Variants in LRMDA observed in about 807,000 individuals in gnomAD.
The protein encoded by LRMDA is leucine rich melanocyte differentiation associated.
LRMDA carries 18 observed loss-of-function variants against 29.8 expected under a neutral mutation model. The observed-to-expected ratio is 0.60, with a 90% confidence interval of 0.42 to 0.90. The LOEUF is 0.90. Ranked by LOEUF, LRMDA falls within the 40% of genes least tolerant of loss-of-function variation. The probability of loss-of-function intolerance (pLI) is 0.00; values close to 1 mark genes in which losing one functional copy is unlikely to be tolerated. For missense variants in LRMDA, 273 were observed against 273.9 expected (o/e 1.00, Z 0.02); for synonymous variants, 125 against 109.4 (o/e 1.14, Z -0.89).
chr10:76,396,479 T>C (rs1226058560), intron 6 of LRMDA: 1 of 152,246 alleles, frequency 6.6e-6, no homozygotes, highest in Non-Finnish European at 1.5e-5. Flanking sequence ...CCCTTTCCAC[T>C]GTTTCTTTTC....
At chr10:76,216,813 G>A (rs1851737027) in intron 5 of LRMDA, among the ~76,000 whole-genome samples, 1 of 152,146 alleles carries the variant, frequency 6.6e-6, no homozygotes, top group South Asian at 2.1e-4. Flanking sequence ...GTAAATGTTC[G>A]ATAGGACGCA....
chr10:76,107,832 G>T (rs546301112), intron 5 of LRMDA, among the ~76,000 whole-genome samples: 1 of 152,066 alleles, frequency 6.6e-6, no homozygotes, highest in Non-Finnish European at 1.5e-5. Flanking sequence ...AGGTGTAAAC[G>T]TGCCATGGTG....
chr10:75,722,203 T>C lies in LRMDA; in HGVS notation c.131+283709T>C, dbSNP rs186445174. On this transcript the variant is annotated intron_variant, in intron 2 of 6. Coordinates refer to ENST00000611255, the MANE Select transcript of LRMDA (RefSeq NM_001305581.2). ...ATCCTAGGGCCTGCCAATATGTTAA[T>C]GGCCCTGGTGCATCGTTATTGCTAC... Among the ~76,000 whole-genome samples, 463 of 152,284 alleles carry C rather than the reference T, an allele frequency of 3.0e-3. 1 individual carries two copies. The highest frequency in any genetic ancestry group is 6.8e-3 in the Middle Eastern group (2 of 294).
At chr10:76,381,584 C>A (rs1841593172) in intron 6 of LRMDA, among the ~76,000 whole-genome samples, 1 of 152,190 alleles carries the variant, frequency 6.6e-6, no homozygotes, top group African/African-American at 2.4e-5. Context: ...CCTCTCCTCA[C>A]ATGGAAGTAG....
At chr10:76,138,029 T>C (rs922196801) in intron 5 of LRMDA, among the ~76,000 whole-genome samples, 7 of 152,192 alleles carry the variant, frequency 4.6e-5, no homozygotes, top group Admixed American at 4.6e-4. Context: ...AGTTGTGTAT[T>C]GCCCTTTTGC....
At chr10:75,466,150 T>G (rs1844647564) in intron 2 of LRMDA, among the ~76,000 whole-genome samples, 1 of 152,202 alleles carries the variant, frequency 6.6e-6, no homozygotes, top group South Asian at 2.1e-4. Flanking sequence ...TTGCCTGGCT[T>G]CCCAGGCGAG....
intron 2 of LRMDA, chr10:75,552,453 T>A (rs566796257): frequency 2.1e-5 from 7 of 329,430 alleles, no homozygotes; most frequent in Middle Eastern, 4.0e-4. Context: ...TTTCAGAATT[T>A]TCACTGTATC....
intron 6 of LRMDA, among the ~76,000 whole-genome samples, chr10:76,468,343 G>C (rs1842584359): frequency 1.3e-5 from 2 of 152,186 alleles, no homozygotes; most frequent in African/African-American, 4.8e-5. Flanking sequence ...ATTCGAGAGA[G>C]CAAGACTGTT....
At chr10:76,024,125 G>A (rs74147625) in intron 2 of LRMDA, among the ~76,000 whole-genome samples, 113 of 152,312 alleles carry the variant, frequency 7.4e-4, no homozygotes, top group African/African-American at 2.5e-3. Context: ...CTAGATTTGC[G>A]TTTGGCCTCA....
intron 5 of LRMDA, among the ~76,000 whole-genome samples, chr10:76,082,045 A>G (rs1849057892): frequency 6.6e-6 from 1 of 152,168 alleles, no homozygotes. Flanking sequence ...ACTCTCAAAC[A>G]ACACAGGTTT....
At chr10:76,515,474 G>A (rs1843050492) in intron 6 of LRMDA, among the ~76,000 whole-genome samples, 1 of 152,054 alleles carries the variant, frequency 6.6e-6, no homozygotes, top group African/African-American at 2.4e-5. Context: ...ATATTAGAAA[G>A]TATGGTAGAT....
intron 5 of LRMDA, among the ~76,000 whole-genome samples, chr10:76,265,316 G>C (rs543432442): frequency 1.3e-5 from 2 of 152,196 alleles, no homozygotes; most frequent in African/African-American, 4.8e-5. Context: ...TTTTATTATT[G>C]CTCTTCCACC....
chr10:76,540,167 C>T (rs55725812), intron 6 of LRMDA, among the ~76,000 whole-genome samples: 1 of 150,882 alleles, frequency 6.6e-6, no homozygotes, highest in Admixed American at 6.6e-5. Flanking sequence ...CACATGCACG[C>T]AAAACATGCA....
At chr10:76,200,957 T>C (rs1357058747) in intron 5 of LRMDA, among the ~76,000 whole-genome samples, 2 of 151,714 alleles carry the variant, frequency 1.3e-5, no homozygotes, top group African/African-American at 4.8e-5. Context: ...CCTCAGGTGA[T>C]CTGCCTGCCT....
intron 5 of LRMDA, among the ~76,000 whole-genome samples, chr10:76,235,954 C>T (rs540976881): frequency 1.3e-5 from 2 of 152,048 alleles, no homozygotes; most frequent in Admixed American, 6.5e-5. Context: ...GTAACCAGCT[C>T]GAAATATGCC....
At chr10:76,324,284 C>G (rs557772405) in intron 5 of LRMDA, 117 bp from the exon 6 acceptor site, 1 of 894,614 alleles carries the variant, frequency 1.1e-6, no homozygotes, top group Non-Finnish European at 1.8e-6. Flanking sequence ...TAAGAAGTAT[C>G]TTGGTGAATA....
chr10:76,193,456 T>C (rs552111822), intron 5 of LRMDA, among the ~76,000 whole-genome samples: 1 of 152,214 alleles, frequency 6.6e-6, no homozygotes, highest in African/African-American at 2.4e-5. Flanking sequence ...CAACTGGTGG[T>C]GTCATTTGAC....
intron 6 of LRMDA, among the ~76,000 whole-genome samples, chr10:76,420,627 G>A (rs1842062775): frequency 6.6e-6 from 1 of 151,896 alleles, no homozygotes; most frequent in Non-Finnish European, 1.5e-5. Flanking sequence ...GATCACTGAT[G>A]TTAGGCTTTC....
intron 5 of LRMDA, among the ~76,000 whole-genome samples, chr10:76,220,475 G>C (rs1374141530): frequency 6.6e-6 from 1 of 152,158 alleles, no homozygotes; most frequent in African/African-American, 2.4e-5. Context: ...ACTACGATCA[G>C]AGAATACTAC....
Sources: allele counts gnomAD v4.1 joint callset (sites outside exome capture counted in the v4.1 genomes callset), GRCh38; gene constraint gnomAD v4.1.1; transcripts MANE v1.5; gene names NCBI Gene and HGNC (gene_info 2026-07-23, HGNC 2026-07-21).